Variants in ACCSL observed in about 807,000 individuals in gnomAD.
The protein encoded by ACCSL is probable inactive 1-aminocyclopropane-1-carboxylate synthase-like protein 2.
Under a neutral mutation model 61.7 loss-of-function variants are expected in ACCSL, and 55 were observed. The ratio of observed to expected loss-of-function variants is 0.89; its 90% CI spans 0.72 to 1.12. ACCSL has a LOEUF of 1.12. Ranked by LOEUF, ACCSL falls within the 50% of genes most tolerant of loss-of-function variation. The probability of loss-of-function intolerance (pLI) is 0.00; values close to 1 mark genes in which losing one functional copy is unlikely to be tolerated. For synonymous variants in ACCSL, 258 were observed against 264.3 expected (o/e 0.98, Z 0.23); for missense variants, 632 against 698.0 (o/e 0.91, Z 1.07).
At chr11:43,936,750 C>T in the ACCSL span, among the ~76,000 whole-genome samples, 2 of 124,388 alleles carry the variant, frequency 1.6e-5, no homozygotes, top group East Asian at 2.6e-4. Flanking sequence ...AAGGCAACGG[C>T]GGGGAGGAGT....
intron 11 of ACCSL, 147 bp from the exon 12 acceptor site, chr11:44,058,170 T>A (rs1049981427): frequency 1.9e-5 from 19 of 1,018,584 alleles, no homozygotes; most frequent in Non-Finnish European, 2.7e-5. Flanking sequence ...GAAACTCTGG[T>A]TTTTTTGTTT....
the ACCSL span, among the ~76,000 whole-genome samples, chr11:44,001,763 G>A: frequency 6.8e-6 from 1 of 147,664 alleles, no homozygotes; most frequent in Non-Finnish European, 1.5e-5. Flanking sequence ...GGGGGAAGTG[G>A]AGGTAAAGGG....
chr11:43,937,375 C>G, the ACCSL span, among the ~76,000 whole-genome samples: 1 of 152,112 alleles, frequency 6.6e-6, no homozygotes, highest in African/African-American at 2.4e-5. Flanking sequence ...GGTGGCTAGG[C>G]GAGGCTTCTT....
At chr11:43,953,839 C>T in the ACCSL span, among the ~76,000 whole-genome samples, 15 of 150,330 alleles carry the variant, frequency 1.0e-4, no homozygotes, top group African/African-American at 3.8e-4. Flanking sequence ...AACCATAGGT[C>T]GCTCTGCCTA....
upstream of ACCSL, among the ~76,000 whole-genome samples, chr11:44,046,263 G>A (rs937583908): frequency 1.3e-5 from 2 of 152,194 alleles, no homozygotes; most frequent in Non-Finnish European, 2.9e-5. Context: ...ACTGAATAAA[G>A]TTTTTGCATT....
the ACCSL span, among the ~76,000 whole-genome samples, chr11:43,939,652 C>T: frequency 6.6e-6 from 1 of 152,182 alleles, no homozygotes. Flanking sequence ...CTCTGTCACC[C>T]AGGCTGGAAG....
the ACCSL span, among the ~76,000 whole-genome samples, chr11:43,949,397 A>G: frequency 6.6e-6 from 1 of 152,218 alleles, no homozygotes. Context: ...CCTATAAGGT[A>G]TGAAAGGAAA....
At chr11:44,003,423 T>A in the ACCSL span, among the ~76,000 whole-genome samples, 3 of 151,852 alleles carry the variant, frequency 2.0e-5, no homozygotes, top group African/African-American at 7.3e-5. Flanking sequence ...GAGGCTGAGG[T>A]GGGTGGGTCG....
chr11:43,962,744 C>A, the ACCSL span, among the ~76,000 whole-genome samples: 4 of 152,186 alleles, frequency 2.6e-5, no homozygotes, highest in Non-Finnish European at 4.4e-5. Flanking sequence ...AAAATAGCAT[C>A]CTGGCTCATG....
the ACCSL span, among the ~76,000 whole-genome samples, chr11:44,042,567 C>T: frequency 1.3e-5 from 2 of 151,830 alleles, no homozygotes; most frequent in Non-Finnish European, 2.9e-5. Context: ...ATTCTCTTGC[C>T]TCAGCCTCCC....
chr11:44,048,266 G>T lies in ACCSL; in HGVS notation c.230G>T (p.Arg77Leu). ...GCCCTTCTGAGTCGCTTAATATGCC[G>T]GATGATCAACCTCCTACAGTCTGGG... ...HEALLSRLICRMINLLQSGAA... is the reference protein window; with the variant it reads ...HEALLSRLICLMINLLQSGAA... Residue 77 changes from arginine to leucine, a missense_variant, in exon 1 of 14, where the codon CGG (arginine) becomes CTG (leucine). Arg to Leu is a moderately radical substitution (Grantham distance 102). Transcript: ENST00000378832. 1 of 1,614,100 alleles carries T rather than the reference G, an allele frequency of 6.2e-7. No homozygotes were observed. Among genetic ancestry groups the T allele is most frequent in the East Asian group, 2.2e-5 (1 of 44,860 alleles).
upstream of ACCSL, chr11:44,047,856 A>C (rs1952608880): frequency 2.6e-6 from 2 of 755,292 alleles, no homozygotes; most frequent in South Asian, 1.9e-5. Context: ...GTAACTCTTC[A>C]TGAACCAATC....
the ACCSL span, among the ~76,000 whole-genome samples, chr11:43,931,889 C>A: frequency 6.6e-6 from 1 of 152,196 alleles, no homozygotes; most frequent in East Asian, 1.9e-4. Flanking sequence ...GGAGTAATCC[C>A]ATCCAGCCCC....
At chr11:43,955,207 G>A in the ACCSL span, among the ~76,000 whole-genome samples, 20 of 152,218 alleles carry the variant, frequency 1.3e-4, no homozygotes, top group East Asian at 3.9e-3. Context: ...TTGGCACAAA[G>A]CTAGACTAAA....
chr11:44,052,606 A>C, intron 5 of ACCSL, 56 bp from the exon 6 acceptor site: 1 of 1,481,302 alleles, frequency 6.8e-7, no homozygotes, highest in South Asian at 1.1e-5. Context: ...GGAGCCTGGC[A>C]ACAGGCTCTG....
chr11:43,999,509 G>A, the ACCSL span, among the ~76,000 whole-genome samples: 1 of 152,162 alleles, frequency 6.6e-6, no homozygotes, highest in African/African-American at 2.4e-5. Context: ...TCAGTTTCTT[G>A]CAGGCTGTTG....
At chr11:44,039,204 C>A in the ACCSL span, among the ~76,000 whole-genome samples, 1 of 152,120 alleles carries the variant, frequency 6.6e-6, no homozygotes, top group Non-Finnish European at 1.5e-5. Flanking sequence ...GGGTAAGGTG[C>A]CTGCCCACAG....
At chr11:43,943,100 GTGGAGGAGGAGGGGGTGTCCCCCA>G in the ACCSL span, 1 of 1,501,640 alleles carries the variant, frequency 6.7e-7, no homozygotes, top group Non-Finnish European at 8.9e-7. The surrounding 1 kb of genome is among the most constrained non-coding windows in gnomAD (Gnocchi z 4.8). Flanking sequence ...GATCCAGGAG[GTGGAGGAGGAGGGGGTGTCCCCCA>G]TGGAGGAGGA....
the ACCSL span, among the ~76,000 whole-genome samples, chr11:43,922,690 G>C: frequency 6.6e-6 from 1 of 152,180 alleles, no homozygotes; most frequent in South Asian, 2.1e-4. Flanking sequence ...CACCTTCAGA[G>C]ATATGAAACT....
Sources: allele counts gnomAD v4.1 joint callset (sites outside exome capture counted in the v4.1 genomes callset), GRCh38; gene constraint gnomAD v4.1.1; non-coding constraint Gnocchi (gnomAD v3.1); transcripts MANE v1.5; gene names NCBI Gene and HGNC (gene_info 2026-07-23, HGNC 2026-07-21).